SORCS1: variants seen among roughly 807,000 people sequenced by gnomAD.
SORCS1 encodes VPS10 domain-containing receptor SorCS1.
Under a neutral mutation model 146.1 loss-of-function variants are expected in SORCS1, and 60 were observed. That is an observed-to-expected ratio of 0.41 (90% CI 0.33 to 0.51). The LOEUF (loss-of-function observed/expected upper bound fraction) is 0.51, where lower values mean the gene tolerates loss of function less well. Ranked by LOEUF, SORCS1 falls within the 20% of genes least tolerant of loss-of-function variation. SORCS1 has a pLI of 0.21. For synonymous variants in SORCS1, 637 were observed against 584.0 expected, an observed-to-expected ratio of 1.09 and a Z score of -1.31; for missense variants, 1,352 against 1,487.6, an observed-to-expected ratio of 0.91 and a Z score of 1.50.
intron 1 of SORCS1, among the ~76,000 whole-genome samples, chr10:107,085,332 A>G (rs1180282837): frequency 2.0e-5 from 3 of 152,186 alleles, no homozygotes; most frequent in African/African-American, 4.8e-5. Flanking sequence ...TCAACATACA[A>G]TATCTCTACT....
At chr10:106,732,267 G>A (rs1490575111) in intron 5 of SORCS1, among the ~76,000 whole-genome samples, 3 of 152,140 alleles carry the variant, frequency 2.0e-5, no homozygotes, top group Admixed American at 2.0e-4. Context: ...CATGGGACAT[G>A]CATTTGCACA....
At chr10:106,788,253 T>G (rs1217003653) in intron 3 of SORCS1, among the ~76,000 whole-genome samples, 1 of 152,150 alleles carries the variant, frequency 6.6e-6, no homozygotes, top group African/African-American at 2.4e-5. Flanking sequence ...GAGATTTGGG[T>G]AGGGACATAA....
At chr10:106,820,829 G>A (rs986629667) in intron 3 of SORCS1, among the ~76,000 whole-genome samples, 3 of 152,152 alleles carry the variant, frequency 2.0e-5, no homozygotes, top group African/African-American at 7.2e-5. Flanking sequence ...GAGTGTGCTG[G>A]AAGCAAACAG....
intron 3 of SORCS1, among the ~76,000 whole-genome samples, chr10:106,801,413 A>T (rs1946865668): frequency 6.6e-6 from 1 of 152,146 alleles, no homozygotes; most frequent in Non-Finnish European, 1.5e-5. Context: ...CATCACAGTA[A>T]TAGCAAACAT....
rs187790004 is a variant in SORCS1, at chr10:106,838,047, C to T, written c.627-8374G>A. On this transcript the variant is annotated intron_variant, in intron 2 of 25. Transcript: ENST00000263054. Reference sequence around the variant, plus strand: ...CTAGCACTCAGAACAGCGCCCTGGGCACAGTAGGCACTATTTGCTTTTGAC... The same window carrying T: ...CTAGCACTCAGAACAGCGCCCTGGGTACAGTAGGCACTATTTGCTTTTGAC... Among the ~76,000 whole-genome samples, 205 of 152,278 alleles carry T rather than the reference C, an allele frequency of 1.3e-3. 3 individuals are homozygous for T. The highest frequency in any genetic ancestry group is 3.4e-3 in the Middle Eastern group (1 of 294).
chr10:106,771,100 G>A (rs1035118127), intron 4 of SORCS1, among the ~76,000 whole-genome samples: 1 of 152,198 alleles, frequency 6.6e-6, no homozygotes, highest in Non-Finnish European at 1.5e-5. Flanking sequence ...TCACAACATG[G>A]CACTCTCCCC....
intron 2 of SORCS1, among the ~76,000 whole-genome samples, chr10:106,923,612 G>A (rs375916007): frequency 1.3e-4 from 20 of 152,270 alleles, no homozygotes; most frequent in South Asian, 6.2e-4. Flanking sequence ...GTTGCTCCAC[G>A]GCCTCACCAG....
chr10:106,593,371 A>G (rs965376651), intron 24 of SORCS1, among the ~76,000 whole-genome samples: 1 of 152,156 alleles, frequency 6.6e-6, no homozygotes, highest in African/African-American at 2.4e-5. Flanking sequence ...CTTCCTTATC[A>G]CAATTGCTGT....
intron 18 of SORCS1, among the ~76,000 whole-genome samples, chr10:106,636,759 C>A (rs1289668432): frequency 6.6e-6 from 1 of 152,180 alleles, no homozygotes; most frequent in Non-Finnish European, 1.5e-5. Flanking sequence ...CAATCTTCAA[C>A]CCTAAAAGAA....
intron 2 of SORCS1, among the ~76,000 whole-genome samples, chr10:106,858,395 G>A (rs1012969333): frequency 3.8e-4 from 57 of 151,722 alleles, no homozygotes; most frequent in African/African-American, 1.0e-3. Context: ...CGAGGCAGGC[G>A]GATCACGAGG....
rs556542504 is a variant in SORCS1 at position 106,850,540 on chromosome 10, C to CT, written c.627-20868_627-20867insA. The stretch of plus-strand genomic sequence containing the variant: ...CTCAGATGGAAATGCAGAAATCACC[C>CT]GTCTTCTGCGTTGCTCACGCTGGGA... On this transcript the variant is annotated intron_variant, in intron 2 of 25. Coordinates refer to ENST00000263054, the MANE Select transcript of SORCS1 (RefSeq NM_052918.5). 3.2e-3 allele frequency among the ~76,000 whole-genome samples: 482 copies of CT among 152,240 alleles called. 3 individuals are homozygous for CT. The highest frequency in any genetic ancestry group is 0.011 in the African/African-American group (462 of 41,550).
At chr10:106,754,571 C>T (rs112122925) in intron 5 of SORCS1, among the ~76,000 whole-genome samples, 72 of 152,274 alleles carry the variant, frequency 4.7e-4, no homozygotes, top group African/African-American at 1.7e-3. Flanking sequence ...ATACTTAGCA[C>T]AAGGCTTGGC....
At chr10:106,693,111 T>C (rs995139566) in intron 9 of SORCS1, among the ~76,000 whole-genome samples, 1 of 152,090 alleles carries the variant, frequency 6.6e-6, no homozygotes, top group Non-Finnish European at 1.5e-5. Flanking sequence ...TTCCAATATA[T>C]CTCATTATAT....
At chr10:106,893,139 G>A (rs539710155) in intron 2 of SORCS1, among the ~76,000 whole-genome samples, 93 of 152,020 alleles carry the variant, frequency 6.1e-4, no homozygotes, top group African/African-American at 2.2e-3. Context: ...CTGACCTCAG[G>A]TGATCCACCC....
At chr10:106,943,898 A>C (rs1954178980) in intron 2 of SORCS1, among the ~76,000 whole-genome samples, 1 of 152,172 alleles carries the variant, frequency 6.6e-6, no homozygotes, top group Non-Finnish European at 1.5e-5. Flanking sequence ...CCTAGAAAAT[A>C]ATCTCACCAT....
intron 1 of SORCS1, among the ~76,000 whole-genome samples, chr10:107,092,358 G>A (rs1964242856): frequency 6.6e-6 from 1 of 152,192 alleles, no homozygotes. Context: ...GAATTCTTCA[G>A]GAGATCATTG....
At chr10:106,696,011 A>C (rs1276503107) in intron 9 of SORCS1, among the ~76,000 whole-genome samples, 1 of 152,202 alleles carries the variant, frequency 6.6e-6, no homozygotes, top group East Asian at 1.9e-4. Flanking sequence ...TTTTTTAGAA[A>C]GACCCGTCAG....
chr10:106,999,069 A>G (rs1589889254), intron 1 of SORCS1, among the ~76,000 whole-genome samples: 1 of 152,326 alleles, frequency 6.6e-6, no homozygotes, highest in East Asian at 1.9e-4. Flanking sequence ...CATTTTGCCA[A>G]ATGAAGACAG....
intron 17 of SORCS1, among the ~76,000 whole-genome samples, chr10:106,654,662 C>G (rs1850139392): frequency 6.6e-6 from 1 of 152,174 alleles, no homozygotes; most frequent in South Asian, 2.1e-4. Flanking sequence ...CCCAAACCCT[C>G]CAAGCATCTC....
Sources: allele counts gnomAD v4.1 joint callset (sites outside exome capture counted in the v4.1 genomes callset), GRCh38; gene constraint gnomAD v4.1.1; transcripts MANE v1.5; gene names NCBI Gene and HGNC (gene_info 2026-07-23, HGNC 2026-07-21).